The following RREB1 variants were observed in gnomAD, a reference collection of about 807,000 sequenced individuals.
The protein encoded by RREB1 is ras responsive element binding protein 1.
Under a neutral mutation model 117.8 loss-of-function variants are expected in RREB1, and 27 were observed. The observed-to-expected ratio is 0.23, with a 90% CI of 0.17 to 0.32. The LOEUF is 0.32. Ranked by LOEUF, RREB1 falls within the 10% of genes least tolerant of loss-of-function variation. The pLI is 1.00. For synonymous variants in RREB1, 1,298 were observed against 1,026.7 expected (o/e 1.26, Z -5.05); for missense variants, 2,577 against 2,378.2 (o/e 1.08, Z -1.74).
chr6:7,123,504 G>A (rs566912435), intron 1 of RREB1, among the ~76,000 whole-genome samples: 2 of 150,134 alleles, frequency 1.3e-5, no homozygotes, highest in African/African-American at 5.0e-5. Flanking sequence ...AGGACCTGAG[G>A]AGATTACTGA....
At chr6:7,113,199 T>A (rs556120207) in intron 1 of RREB1, among the ~76,000 whole-genome samples, 2 of 152,240 alleles carry the variant, frequency 1.3e-5, no homozygotes, top group Non-Finnish European at 1.5e-5. Context: ...GCAGACATCA[T>A]GAGGGTGGGT....
chr6:7,152,683 C>T (rs1763177716), intron 1 of RREB1, among the ~76,000 whole-genome samples: 1 of 152,152 alleles, frequency 6.6e-6, no homozygotes, highest in Non-Finnish European at 1.5e-5. Context: ...TTGAGAAGGC[C>T]AGGAGCAGCA....
At chr6:7,211,521 G>C (rs1438450472) in intron 7 of RREB1, 52 bp from the exon 8 acceptor site, 2 of 1,574,644 alleles carry the variant, frequency 1.3e-6, no homozygotes, top group Admixed American at 3.3e-5. Flanking sequence ...CTCTTCCGAA[G>C]CCATCCCATG....
chr6:7,176,109 G>T (rs1764486399), intron 1 of RREB1, among the ~76,000 whole-genome samples: 1 of 152,152 alleles, frequency 6.6e-6, no homozygotes. Context: ...TAGAGACAGG[G>T]TTTCACCATG....
intron 1 of RREB1, among the ~76,000 whole-genome samples, chr6:7,125,466 T>C (rs1410712322): frequency 6.6e-6 from 1 of 152,220 alleles, no homozygotes; most frequent in African/African-American, 2.4e-5. Flanking sequence ...CTCCTGTCTC[T>C]TGAAACCTTT....
At chr6:7,152,282 A>G (rs1187955001) in intron 1 of RREB1, among the ~76,000 whole-genome samples, 1 of 152,236 alleles carries the variant, frequency 6.6e-6, no homozygotes, top group Non-Finnish European at 1.5e-5. Flanking sequence ...GGTGTACATG[A>G]TGACTTTCTT....
chr6:7,241,397 T>C (rs1275061243), intron 11 of RREB1, among the ~76,000 whole-genome samples: 1 of 152,034 alleles, frequency 6.6e-6, no homozygotes, highest in Non-Finnish European at 1.5e-5. Context: ...CACTTAGATA[T>C]CCCGCCAGTT....
rs1455110835 is a variant in RREB1 at position 7,247,036 on chromosome 6, C to A, written c.4586C>A (p.Pro1529His). The change falls in exon 12 of 13, where the codon CCC becomes CAC. Residue 1529 changes from proline to histidine, a missense_variant. Physicochemically the swap from Pro to His is moderately conservative, Grantham distance 77. Coordinates refer to ENST00000379938, the MANE Select transcript of RREB1 (RefSeq NM_001003699.4). ...AEKLAEETEG[P>H]SDGESAAEKR... ...AAGCTCGCGGAGGAGACGGAGGGCC[C>A]CTCCGACGGGGAGAGCGCGGCCGAG... The A allele has an allele frequency of 6.2e-7, 1 of 1,612,590 alleles. No individual in the cohort carries two copies. Among genetic ancestry groups the A allele is most frequent in the South Asian group, 1.1e-5 (1 of 91,028 alleles).
intron 1 of RREB1, among the ~76,000 whole-genome samples, chr6:7,130,487 C>T (rs1384092175): frequency 1.3e-5 from 2 of 152,190 alleles, no homozygotes; most frequent in African/African-American, 2.4e-5. Context: ...CTGCCTGGTG[C>T]CTGGTCTTGG....
chr6:7,178,718 T>C (rs934462631), intron 2 of RREB1, among the ~76,000 whole-genome samples: 2 of 152,242 alleles, frequency 1.3e-5, no homozygotes, highest in African/African-American at 4.8e-5. Flanking sequence ...TTTTATTAAT[T>C]ACGCTTTCAG....
intron 6 of RREB1, among the ~76,000 whole-genome samples, chr6:7,193,157 T>TA (rs1422396095): frequency 6.6e-6 from 1 of 152,258 alleles, no homozygotes; most frequent in Admixed American, 6.5e-5. Context: ...ATTAATTTGT[T>TA]ACTGATTTCT....
intron 3 of RREB1, 187 bp downstream of exon 3, chr6:7,181,433 T>C: frequency 2.4e-6 from 1 of 414,990 alleles, no homozygotes; most frequent in Non-Finnish European, 4.2e-6. Flanking sequence ...ATTGCAGCAG[T>C]GGAGTTAAAT....
chr6:7,189,068 T>G (rs963545643), intron 5 of RREB1, 91 bp from the exon 6 acceptor site: 2 of 1,302,092 alleles, frequency 1.5e-6, no homozygotes, highest in Non-Finnish European at 2.1e-6. Flanking sequence ...GTTGATTGGT[T>G]TTTTTAATAA....
intron 6 of RREB1, among the ~76,000 whole-genome samples, chr6:7,200,322 G>T (rs1765901076): frequency 1.4e-5 from 2 of 138,934 alleles, no homozygotes; most frequent in African/African-American, 2.7e-5. Flanking sequence ...TTTCACTCTT[G>T]TCGCCCAGGC....
intron 10 of RREB1, among the ~76,000 whole-genome samples, chr6:7,232,976 C>T (rs1185928457): frequency 6.6e-6 from 1 of 152,092 alleles, no homozygotes; most frequent in Non-Finnish European, 1.5e-5. Flanking sequence ...CTCACTGCAA[C>T]CTCTGCCTCC....
intron 1 of RREB1, among the ~76,000 whole-genome samples, chr6:7,114,624 G>T (rs1761305209): frequency 6.6e-6 from 1 of 152,074 alleles, no homozygotes; most frequent in East Asian, 1.9e-4. Context: ...TCGTGGCCTG[G>T]GTCTCATCTA....
chr6:7,195,214 GA>G (rs1313848901), intron 6 of RREB1, among the ~76,000 whole-genome samples: 1 of 152,086 alleles, frequency 6.6e-6, no homozygotes, highest in Admixed American at 6.5e-5. Context: ...TAATATATTT[GA>G]AATACTAGGG....
intron 1 of RREB1, among the ~76,000 whole-genome samples, chr6:7,156,807 C>T (rs17603736): frequency 0.37 from 56,424 of 152,140 alleles, 13,334 homozygotes; most frequent in Non-Finnish European, 0.53. Context: ...GCCAGCCATC[C>T]AGCGTAGGAA....
At chr6:7,208,581 A>C (rs528674356) in intron 6 of RREB1, among the ~76,000 whole-genome samples, 1 of 152,224 alleles carries the variant, frequency 6.6e-6, no homozygotes, top group East Asian at 1.9e-4. Flanking sequence ...TCAGTGGGAG[A>C]ACTGGAGTGA....
Sources: allele counts gnomAD v4.1 joint callset (sites outside exome capture counted in the v4.1 genomes callset), GRCh38; gene constraint gnomAD v4.1.1; transcripts MANE v1.5; gene names NCBI Gene and HGNC (gene_info 2026-07-23, HGNC 2026-07-21).